Variants in TEKT1 observed in about 807,000 individuals in gnomAD.
TEKT1 encodes the protein tektin-1.
TEKT1 carries 32 observed loss-of-function variants against 34.8 expected under a neutral mutation model. The ratio of observed to expected loss-of-function variants is 0.92; its 90% CI spans 0.69 to 1.23. TEKT1 has a LOEUF of 1.23. Ranked by LOEUF, TEKT1 falls within the 50% of genes most tolerant of loss-of-function variation. The pLI is 0.00. For synonymous variants in TEKT1, 207 were observed against 199.8 expected (o/e 1.04, Z -0.30); for missense variants, 492 against 518.5 (o/e 0.95, Z 0.50).
chr17:6,807,678 CT>C lies in TEKT1; in HGVS notation c.852+5152del, dbSNP rs1444541791. ...ATGTCCTTTCTGTTTGTTAGTTTTT[CT>C]TCTAACAGTCAGGACCCTCAGCTGC... On this transcript the variant is annotated intron_variant, in intron 6 of 7. Coordinates refer to ENST00000338694, the MANE Select transcript of TEKT1 (RefSeq NM_053285.2). Among the ~76,000 whole-genome samples the C allele has an allele frequency of 4.6e-5, 7 of 152,268 alleles. No individual in the cohort carries two copies. In the East Asian group the frequency reaches 1.4e-3, roughly 29 times the overall value.
chr17:6,801,357 A>C (rs1420854912), intron 6 of TEKT1, among the ~76,000 whole-genome samples: 1 of 152,236 alleles, frequency 6.6e-6, no homozygotes, highest in Non-Finnish European at 1.5e-5. Flanking sequence ...TGAGGAAAGA[A>C]GGAGCAGTTG....
intron 2 of TEKT1, among the ~76,000 whole-genome samples, chr17:6,829,551 T>C (rs1238934311): frequency 6.7e-6 from 1 of 149,988 alleles, no homozygotes; most frequent in East Asian, 2.0e-4. Context: ...TCTTGGTATA[T>C]CACCCAGGGT....
At chr17:6,800,689 T>G in intron 7 of TEKT1, 58 bp downstream of exon 7, 1 of 1,539,592 alleles carries the variant, frequency 6.5e-7, no homozygotes, top group Non-Finnish European at 8.8e-7. Context: ...AGCCTCTGCT[T>G]GATATCCAGG....
In TEKT1 at chr17:6,815,138, G is replaced by A. The variant is rs187797433; in HGVS notation, c.629+25C>T. ...TGAGAAGCACTGGGTCACCCGCGAG[G>A]AGGAAGACGGCAAGGCCCACTCACT... is the stretch of plus-strand genomic sequence containing the variant. On this transcript the variant is annotated intron_variant, in intron 5 of 7. Transcript: ENST00000338694. The A allele has an allele frequency of 3.7e-3, 5,929 of 1,594,484 alleles. 19 individuals are homozygous for A. Among genetic ancestry groups the A allele is most frequent in the Non-Finnish European group, 3.9e-3 (4,612 of 1,170,112 alleles).
intron 3 of TEKT1, 152 bp from the exon 4 acceptor site, chr17:6,816,114 G>A: frequency 3.7e-6 from 4 of 1,080,066 alleles, no homozygotes; most frequent in Non-Finnish European, 5.1e-6. Flanking sequence ...ATATTAGTTG[G>A]TGTCTATGTG....
At chr17:6,815,025 G>A (rs759663953) in intron 5 of TEKT1, 138 bp downstream of exon 5, 17 of 1,054,214 alleles carry the variant, frequency 1.6e-5, no homozygotes, top group East Asian at 2.4e-5. Context: ...CAATGTCAAG[G>A]TCACCATTCA....
At chr17:6,821,312 TAGTG>T (rs1260175849) in intron 2 of TEKT1, among the ~76,000 whole-genome samples, 7 of 152,204 alleles carry the variant, frequency 4.6e-5, no homozygotes, top group Admixed American at 2.0e-4. Flanking sequence ...GCTCTCCTGA[TAGTG>T]AGTGAGCTCT....
chr17:6,801,194 C>G (rs1355958501), intron 6 of TEKT1, among the ~76,000 whole-genome samples: 1 of 152,204 alleles, frequency 6.6e-6, no homozygotes, highest in Non-Finnish European at 1.5e-5. Flanking sequence ...ACAGGAGATG[C>G]CCTCAGCAAA....
chr17:6,813,946 T>TGCTCTC, intron 5 of TEKT1, among the ~76,000 whole-genome samples: 1 of 145,952 alleles, frequency 6.9e-6, no homozygotes, highest in South Asian at 2.3e-4. Flanking sequence ...CTGTCATCCG[T>TGCTCTC]TCTCTCTCTC....
At chr17:6,813,449 A>G (rs1976955706) in intron 5 of TEKT1, among the ~76,000 whole-genome samples, 1 of 152,178 alleles carries the variant, frequency 6.6e-6, no homozygotes, top group Admixed American at 6.6e-5. Flanking sequence ...ATCCATCTAT[A>G]CAGATTTAAA....
intron 6 of TEKT1, among the ~76,000 whole-genome samples, chr17:6,805,041 C>G (rs575792584): frequency 6.6e-6 from 1 of 152,172 alleles, no homozygotes; most frequent in African/African-American, 2.4e-5. Flanking sequence ...AGGAATGATA[C>G]CAGCTCCTCC....
intron 6 of TEKT1, among the ~76,000 whole-genome samples, chr17:6,809,063 T>C (rs983725911): frequency 2.6e-5 from 4 of 152,286 alleles, no homozygotes; most frequent in Admixed American, 2.6e-4. Context: ...AATTCCCATA[T>C]GCTTTCTCCC....
intron 4 of TEKT1, 37 bp from the exon 5 acceptor site, chr17:6,815,343 A>T (rs1170384813): frequency 6.2e-7 from 1 of 1,614,102 alleles, no homozygotes; most frequent in Admixed American, 1.7e-5. Flanking sequence ...CTGCCTCTGG[A>T]GTGCCCAGGT....
intron 5 of TEKT1, among the ~76,000 whole-genome samples, chr17:6,814,597 G>T (rs1976976848): frequency 6.6e-6 from 1 of 152,168 alleles, no homozygotes; most frequent in Non-Finnish European, 1.5e-5. Flanking sequence ...CCAGCACTTT[G>T]GGAGGCCGAG....
intron 2 of TEKT1, among the ~76,000 whole-genome samples, chr17:6,822,110 C>T (rs1024984277): frequency 1.3e-5 from 2 of 152,152 alleles, no homozygotes; most frequent in African/African-American, 4.8e-5. Context: ...AAAAATGCTT[C>T]CTGGGCCAGG....
chr17:6,807,772 G>T (rs542685992), intron 6 of TEKT1, among the ~76,000 whole-genome samples: 3 of 152,326 alleles, frequency 2.0e-5, no homozygotes, highest in African/African-American at 7.2e-5. Flanking sequence ...TGCGGAGGCT[G>T]CAGAACAGCG....
In TEKT1 at chr17:6,815,981, G is replaced by A; in HGVS notation, c.357-19C>T. 6.2e-7 allele frequency: 1 copy of A among 1,612,916 alleles called. No homozygotes were observed. The highest frequency in any genetic ancestry group is 8.5e-7 in the Non-Finnish European group (1 of 1,179,972). ...CTTCTCCCTGGCAGGGGGAAAGGCA[G>A]CCAGTCAGCCAACACGTGCAACATG... On this transcript the variant is annotated intron_variant, in intron 3 of 7. Coordinates refer to ENST00000338694, the MANE Select transcript of TEKT1 (RefSeq NM_053285.2).
At position 6,799,897 on chromosome 17, in the gene TEKT1, A is replaced by G. The variant is rs147740751; in HGVS notation, c.*130T>C. On this transcript the variant is annotated 3_prime_UTR_variant, in exon 8 of 8. Transcript: ENST00000338694. ...TCGCCCCAAAATCAGCCCCCTGAGC[A>G]GGCTTGGAATGCCAGCCAAGAGGTT... is the stretch of plus-strand genomic sequence containing the variant. The G allele has an allele frequency of 9.9e-4, 809 of 818,444 alleles. 4 individuals are homozygous for G. The African/African-American group carries it at 0.012, about 12-fold the overall frequency. The allele number at this position is 818,444 out of a possible 1,614,324, so 50.7% of individuals were successfully genotyped here. A position where few individuals can be genotyped will look rare whatever the true frequency, so the allele number is the denominator to read the frequency against.
At chr17:6,803,718 TC>T (rs1456384020) in intron 6 of TEKT1, among the ~76,000 whole-genome samples, 1 of 152,046 alleles carries the variant, frequency 6.6e-6, no homozygotes, top group Non-Finnish European at 1.5e-5. Flanking sequence ...AAATAGGGAA[TC>T]CTTTCCCCAT....
Sources: gnomAD v4.1 joint callset for allele counts (sites outside exome capture counted in the v4.1 genomes callset) on GRCh38, gnomAD v4.1.1 for gene constraint, MANE v1.5 for transcripts, NCBI Gene and HGNC (gene_info 2026-07-23, HGNC 2026-07-21) for gene names.